SLC36A4: variants seen among roughly 807,000 people sequenced by gnomAD.
SLC36A4 encodes the protein solute carrier family 36 member 4, also known as neutral amino acid uniporter 4.
A neutral mutation model predicts 50.5 loss-of-function variants in SLC36A4; 49 were observed. The observed-to-expected ratio is 0.97, with a 90% CI of 0.77 to 1.23. SLC36A4 has a LOEUF of 1.23. Among genes scored for constraint, SLC36A4 ranks in the 50% most tolerant of loss-of-function variants. SLC36A4 has a pLI of 0.00. For missense variants in SLC36A4, 611 were observed against 608.4 expected (o/e 1.00, Z -0.05); for synonymous variants, 207 against 206.5 (o/e 1.00, Z -0.02).
At chr11:93,169,417 C>T (rs1167064817) in intron 6 of SLC36A4, among the ~76,000 whole-genome samples, 2 of 152,078 alleles carry the variant, frequency 1.3e-5, no homozygotes, top group South Asian at 2.1e-4. Flanking sequence ...CCTGCCCAAG[C>T]GGTCACCTGG....
chr11:93,172,102 T>A (rs375944268), intron 6 of SLC36A4, among the ~76,000 whole-genome samples: 1 of 152,000 alleles, frequency 6.6e-6, no homozygotes, highest in Admixed American at 6.6e-5. Context: ...TTTGCAAATA[T>A]CTAGTAAAAG....
intron 1 of SLC36A4, among the ~76,000 whole-genome samples, chr11:93,191,925 A>G (rs1862233289): frequency 6.6e-6 from 1 of 152,204 alleles, no homozygotes; most frequent in Non-Finnish European, 1.5e-5. Flanking sequence ...TCTCTGCCTC[A>G]TAACTGAATG....
Position 93,147,902 on chromosome 11 carries a change from T to A in SLC36A4, c.*635A>T, listed in dbSNP as rs1236062681. On this transcript the variant is annotated 3_prime_UTR_variant, in exon 11 of 11. Transcript: ENST00000326402. Reference sequence around the variant, plus strand: ...TTTCAAATTTCATTGAAACACTAAGTCATGATCTTGAACAGTGCCTCTTGA... The same window carrying A: ...TTTCAAATTTCATTGAAACACTAAGACATGATCTTGAACAGTGCCTCTTGA... The A allele has an allele frequency of 6.6e-6, 1 of 152,094 alleles. No individual in the cohort carries two copies. Among genetic ancestry groups the A allele is most frequent in the African/African-American group, 2.4e-5 (1 of 41,436 alleles). The allele number at this position is 152,094 out of a possible 1,614,324, so 9.4% of individuals were successfully genotyped here. A position where few individuals can be genotyped will look rare whatever the true frequency, so the allele number is the denominator to read the frequency against.
intron 6 of SLC36A4, among the ~76,000 whole-genome samples, chr11:93,168,911 ATC>A (rs1278588041): frequency 3.9e-5 from 6 of 152,100 alleles, no homozygotes; most frequent in Non-Finnish European, 8.8e-5. Context: ...ATTAAAAACT[ATC>A]TCTGATCCAA....
intron 10 of SLC36A4, among the ~76,000 whole-genome samples, chr11:93,149,447 TG>T (rs1404379094): frequency 1.3e-5 from 2 of 151,894 alleles, no homozygotes; most frequent in Admixed American, 1.3e-4. Flanking sequence ...AGCTTTACAG[TG>T]GAGAAATAAG....
chr11:93,182,228 T>C, intron 4 of SLC36A4: 1 of 683,692 alleles, frequency 1.5e-6, no homozygotes, highest in Non-Finnish European at 1.8e-6. Context: ...AGGTATTATT[T>C]CTCCATTCTC....
chr11:93,149,398 TC>T (rs1158923170), intron 10 of SLC36A4, among the ~76,000 whole-genome samples: 1 of 152,024 alleles, frequency 6.6e-6, no homozygotes, highest in African/African-American at 2.4e-5. Context: ...CAAAATATCT[TC>T]CTTCAAGATA....
intron 6 of SLC36A4, among the ~76,000 whole-genome samples, chr11:93,176,540 G>C (rs1861481123): frequency 6.6e-6 from 1 of 151,640 alleles, no homozygotes; most frequent in Admixed American, 6.6e-5. Context: ...TTTCTTCCTA[G>C]TCTCGATGGT....
intron 6 of SLC36A4, among the ~76,000 whole-genome samples, chr11:93,176,890 C>T (rs1353881236): frequency 6.6e-6 from 1 of 152,156 alleles, no homozygotes; most frequent in East Asian, 1.9e-4. Flanking sequence ...ATATGTTTTC[C>T]TTCATTTCAA....
intron 1 of SLC36A4, among the ~76,000 whole-genome samples, chr11:93,195,030 A>G (rs1246626266): frequency 6.6e-6 from 1 of 151,898 alleles, no homozygotes; most frequent in Non-Finnish European, 1.5e-5. Context: ...TGCAACATGG[A>G]GCTTTCCTTA....
intron 1 of SLC36A4, among the ~76,000 whole-genome samples, chr11:93,190,617 T>C (rs1026686839): frequency 3.9e-5 from 6 of 152,252 alleles, no homozygotes; most frequent in African/African-American, 1.4e-4. Flanking sequence ...GAGATTAAAA[T>C]ACTTCTTAAT....
At chr11:93,185,279 A>G (rs775825708) in intron 2 of SLC36A4, 1 of 153,736 alleles carries the variant, frequency 6.5e-6, no homozygotes, top group Non-Finnish European at 1.4e-5. Context: ...TTAAACTATT[A>G]TTAGAATGAG....
chr11:93,182,755 G>A, intron 4 of SLC36A4, 51 bp downstream of exon 4: 4 of 1,350,208 alleles, frequency 3.0e-6, no homozygotes, highest in Middle Eastern at 1.8e-4. Flanking sequence ...ATCTGATGCT[G>A]TAAATAAAAG....
At chr11:93,181,668 T>C (rs1384331760) in intron 5 of SLC36A4, 23 bp downstream of exon 5, 1 of 1,467,076 alleles carries the variant, frequency 6.8e-7, no homozygotes, top group Non-Finnish European at 9.0e-7. Flanking sequence ...CAATCATATA[T>C]TAATAACAGA....
intron 1 of SLC36A4, among the ~76,000 whole-genome samples, chr11:93,192,735 C>A (rs1203566969): frequency 6.6e-6 from 1 of 152,154 alleles, no homozygotes; most frequent in Admixed American, 6.5e-5. Flanking sequence ...GAACACACCA[C>A]GTTTCAAGCG....
rs557975796 is a variant in SLC36A4, at chr11:93,170,392, A to G, written c.541-2221T>C. 6.6e-5 allele frequency among the ~76,000 whole-genome samples: 10 copies of G among 152,240 alleles called. No individual in the cohort carries two copies. The South Asian group carries it at 2.1e-3, about 32-fold the overall frequency. On this transcript the variant is annotated intron_variant, in intron 6 of 10. Coordinates refer to ENST00000326402, the MANE Select transcript of SLC36A4 (RefSeq NM_152313.4). The stretch of plus-strand genomic sequence containing the variant: ...AAGCCAAATGCAGAATTAAAGTTAT[A>G]GTACCCTACATTTGTATCTTTTACA...
At chr11:93,175,283 C>A (rs1443220310) in intron 6 of SLC36A4, among the ~76,000 whole-genome samples, 2 of 151,926 alleles carry the variant, frequency 1.3e-5, no homozygotes, top group African/African-American at 4.8e-5. Context: ...TCTGTGGGAT[C>A]GGTGATGATA....
At chr11:93,178,948 G>C (rs1861615282) in intron 6 of SLC36A4, among the ~76,000 whole-genome samples, 1 of 152,070 alleles carries the variant, frequency 6.6e-6, no homozygotes, top group African/African-American at 2.4e-5. Context: ...AAACCCTAAG[G>C]TTACCATTCC....
At chr11:93,151,798 T>C (rs1860098679) in intron 10 of SLC36A4, among the ~76,000 whole-genome samples, 1 of 152,050 alleles carries the variant, frequency 6.6e-6, no homozygotes, top group South Asian at 2.1e-4. Flanking sequence ...ATTTTGTTGA[T>C]TCAATTCATA....
Sources: allele counts gnomAD v4.1 joint callset (sites outside exome capture counted in the v4.1 genomes callset), GRCh38; gene constraint gnomAD v4.1.1; transcripts MANE v1.5; gene names NCBI Gene and HGNC (gene_info 2026-07-23, HGNC 2026-07-21).